SCN2A: variants seen among roughly 807,000 people sequenced by gnomAD.
SCN2A encodes the protein sodium channel protein type 2 subunit alpha.
SCN2A carries 20 observed loss-of-function variants against 188.7 expected under a neutral mutation model. That is an observed-to-expected ratio of 0.11 (90% CI 0.07 to 0.15). The LOEUF (loss-of-function observed/expected upper bound fraction) is 0.15. SCN2A is among the 10% of genes least tolerant of loss of function. The pLI, the probability that SCN2A is intolerant of heterozygous loss-of-function variation, is 1.00. For synonymous variants in SCN2A, 804 were observed against 833.1 expected (o/e 0.97, Z 0.60); for missense variants, 1,278 against 2,445.0 (o/e 0.52, Z 10.07).
intron 1 of SCN2A, among the ~76,000 whole-genome samples, chr2:165,261,832 A>G (rs1231155901): frequency 1.3e-5 from 2 of 152,240 alleles, no homozygotes; most frequent in Non-Finnish European, 2.9e-5. Context: ...TTGATTTGCA[A>G]TAAAGAGTAT....
intron 21 of SCN2A, 117 bp from the exon 22 acceptor site, chr2:165,374,568 T>C (rs1574715438): frequency 1.9e-6 from 2 of 1,077,544 alleles, no homozygotes; most frequent in Admixed American, 3.8e-5. Context: ...TTCTACCCAA[T>C]ATTCAACTTT....
At chr2:165,339,409 T>A (rs1311519895) in intron 14 of SCN2A, among the ~76,000 whole-genome samples, 1 of 151,228 alleles carries the variant, frequency 6.6e-6, no homozygotes, top group Non-Finnish European at 1.5e-5. Context: ...TCAACTGAAC[T>A]AAAGGAAAAA....
intron 13 of SCN2A, chr2:165,328,413 T>C (rs1448883699): frequency 3.4e-6 from 3 of 892,824 alleles, no homozygotes; most frequent in Non-Finnish European, 4.0e-6. Context: ...GGTAAATCTT[T>C]TGAAGATTGT....
Position 165,381,162 on chromosome 2 carries a change from T to A in SCN2A, c.4516T>A (p.Ser1506Thr), listed in dbSNP as rs1433636864. 1 of 1,589,404 alleles carries A rather than the reference T, an allele frequency of 6.3e-7. No individual in the cohort carries two copies. The highest frequency in any genetic ancestry group is 1.1e-5 in the South Asian group (1 of 87,582). The change falls in exon 25 of 27, where the codon TCA becomes ACA. Residue 1506 changes from serine (S) to threonine (T), a missense_variant. Transcript: ENST00000375437. ...KYYNAMKKLGSKKPQKPIPRP... is the reference protein window; with the variant it reads ...KYYNAMKKLGTKKPQKPIPRP... Reference sequence around the variant, plus strand: ...CTACAATGCAATGAAAAAACTGGGTTCAAAGAAACCACAAAAACCCATACC... The same window carrying A: ...CTACAATGCAATGAAAAAACTGGGTACAAAGAAACCACAAAAACCCATACC...
rs377388875 is a variant in SCN2A, at chr2:165,323,350, C to T, written c.1866C>T (p.His622=). The stretch of plus-strand genomic sequence containing the variant: ...CGCACAGACATGGAGAACGGCGCCA[C>T]AGCAATGTCAGCCAGGCCAGCCGTG... ...FVPHRHGERR[H]SNVSQASRAS... is the part of the protein sequence containing the mutation. The change falls in exon 12 of 27, where the codon CAC becomes CAT. Residue 622 remains histidine, a synonymous_variant. Transcript: ENST00000375437. 9 of 1,614,082 alleles carry T rather than the reference C, an allele frequency of 5.6e-6. No homozygotes were observed. Among genetic ancestry groups the T allele is most frequent in the African/African-American group, 2.7e-5 (2 of 74,942 alleles).
chr2:165,321,025 T>G (rs1388529269), intron 11 of SCN2A, among the ~76,000 whole-genome samples: 1 of 152,214 alleles, frequency 6.6e-6, no homozygotes, highest in Non-Finnish European at 1.5e-5. Context: ...TATGTTCTGC[T>G]TCCCTTATGA....
chr2:165,289,949 A>G (rs1696025896), intron 1 of SCN2A, among the ~76,000 whole-genome samples: 1 of 152,178 alleles, frequency 6.6e-6, no homozygotes, highest in South Asian at 2.1e-4. Context: ...TAAGCATTGC[A>G]TAATTGTTAG....
At chr2:165,341,471 T>G (rs1219763240) in intron 14 of SCN2A, among the ~76,000 whole-genome samples, 1 of 152,208 alleles carries the variant, frequency 6.6e-6, no homozygotes, top group African/African-American at 2.4e-5. Flanking sequence ...TAGCCAGTAG[T>G]AGAAATGTTG....
chr2:165,310,228 CAT>C, intron 6 of SCN2A, 93 bp from the exon 7 acceptor site: 1 of 1,313,586 alleles, frequency 7.6e-7, no homozygotes, highest in Non-Finnish European at 1.1e-6. Flanking sequence ...TTCTGCATGA[CAT>C]TTTTATTTTC....
intron 11 of SCN2A, among the ~76,000 whole-genome samples, chr2:165,318,552 C>T (rs567822274): frequency 5.3e-5 from 8 of 152,156 alleles, no homozygotes; most frequent in East Asian, 1.9e-4. Flanking sequence ...TTGATGCTAA[C>T]GGATGGGGCA....
chr2:165,320,552 C>T (rs904405667), intron 11 of SCN2A, among the ~76,000 whole-genome samples: 10 of 152,212 alleles, frequency 6.6e-5, no homozygotes, highest in African/African-American at 1.9e-4. Context: ...CAAACTTCTG[C>T]CTGTACATCC....
At chr2:165,286,496 A>G (rs566351769) in intron 1 of SCN2A, among the ~76,000 whole-genome samples, 70 of 152,320 alleles carry the variant, frequency 4.6e-4, no homozygotes, top group African/African-American at 1.5e-3. Flanking sequence ...TATCAAATGT[A>G]ACACATCAGA....
chr2:165,345,186 G>A (rs1227173269), intron 16 of SCN2A, among the ~76,000 whole-genome samples: 3 of 152,106 alleles, frequency 2.0e-5, no homozygotes, highest in Non-Finnish European at 4.4e-5. Flanking sequence ...TTGTACTAGA[G>A]CATGGAAGTG....
rs149939345 is a variant in SCN2A, at chr2:165,368,462, G to T, written c.3675+1091G>T. ...AGGGTGGAGCCCTCGCCAGGTACCC[G>T]TCCTCTTCTGCCCAGAATTTCTCTG... is the stretch of plus-strand genomic sequence containing the variant. On this transcript the variant is annotated intron_variant, in intron 19 of 26. Coordinates refer to ENST00000375437, the MANE Select transcript of SCN2A (RefSeq NM_001040142.2). Among the ~76,000 whole-genome samples the T allele has an allele frequency of 6.9e-3, 1,047 of 152,242 alleles. 4 individuals carry two copies. Among genetic ancestry groups the T allele is most frequent in the Non-Finnish European group, 0.011 (737 of 68,016 alleles).
At chr2:165,310,181 T>A in intron 6 of SCN2A, 142 bp from the exon 7 acceptor site, 1 of 919,324 alleles carries the variant, frequency 1.1e-6, no homozygotes, top group East Asian at 2.4e-5. Context: ...CATGAAAATG[T>A]TATTCAATCA....
rs3835933 is a variant in SCN2A at position 165,365,059 on chromosome 2, T to TG, written c.3400-74dup. ...AGATCAAGAAAATGCATACAGAAGATGGGGGGGGGGCACACCTAATTAATT... is the reference window on the plus strand; with the variant it reads ...AGATCAAGAAAATGCATACAGAAGATGGGGGGGGGGGCACACCTAATTAATT... On this transcript the variant is annotated intron_variant, in intron 17 of 26. Coordinates refer to ENST00000375437, the MANE Select transcript of SCN2A (RefSeq NM_001040142.2). 18,104 of 1,078,536 alleles carry TG rather than the reference T, an allele frequency of 0.017. 55 individuals are homozygous for TG. The highest frequency in any genetic ancestry group is 0.019 in the Non-Finnish European group (13,910 of 741,146). 66.8% of individuals were successfully genotyped at this position (1,078,536 alleles called of 1,614,324 possible).
chr2:165,382,249 A>G (rs924003365), intron 25 of SCN2A, among the ~76,000 whole-genome samples: 1 of 152,150 alleles, frequency 6.6e-6, no homozygotes, highest in Non-Finnish European at 1.5e-5. Flanking sequence ...CAAGGTTACC[A>G]TACGAGTCTG....
rs896189728 is a variant in SCN2A at position 165,323,181 on chromosome 2, T to G, written c.1697T>G (p.Leu566Arg). 6.2e-7 allele frequency: 1 copy of G among 1,614,032 alleles called. No individual in the cohort carries two copies. The highest frequency in any genetic ancestry group is 8.5e-7 in the Non-Finnish European group (1 of 1,180,024). Reference protein sequence around the residue: ...HQSLLSIRGSLFSPRRNSRAS... With the variant: ...HQSLLSIRGSRFSPRRNSRAS... The stretch of plus-strand genomic sequence containing the variant: ...TCCTTACTGAGCATCCGTGGCTCCC[T>G]TTTCTCTCCAAGACGCAACAGTAGG... The change falls in exon 12 of 27, where the codon CTT becomes CGT. Residue 566 changes from leucine (L) to arginine (R), a missense_variant. Around this residue, in one of 17 missense-constraint regions of SCN2A, gnomAD observed 315 missense variants for 386.6 expected, o/e 0.81. Transcript: ENST00000375437.
intron 20 of SCN2A, chr2:165,372,050 T>C (rs1392844704): frequency 2.6e-5 from 4 of 152,242 alleles, no homozygotes; most frequent in African/African-American, 9.6e-5. Context: ...CTTTAACTTA[T>C]GCTTATCTCT....
Sources: allele counts gnomAD v4.1 joint callset (sites outside exome capture counted in the v4.1 genomes callset), GRCh38; gene constraint gnomAD v4.1.1; regional missense constraint gnomAD v4.1.1; transcripts MANE v1.5; gene names NCBI Gene and HGNC (gene_info 2026-07-23, HGNC 2026-07-21).